Variants in ALS2 observed in about 807,000 individuals in gnomAD.
ALS2 encodes alsin Rho guanine nucleotide exchange factor ALS2, also known as alsin.
In ALS2, 117 loss-of-function variants were observed where a neutral mutation model predicts 203.4. The observed-to-expected ratio is 0.58, with a 90% CI of 0.50 to 0.67. The LOEUF (loss-of-function observed/expected upper bound fraction) is 0.67, where lower values mean the gene tolerates loss of function less well. ALS2 is among the 30% of genes least tolerant of loss of function. The probability of loss-of-function intolerance (pLI) is 0.00; values close to 1 mark genes in which losing one functional copy is unlikely to be tolerated. For synonymous variants in ALS2, 718 were observed against 725.9 expected (o/e 0.99, Z 0.17); for missense variants, 1,715 against 1,989.4 (o/e 0.86, Z 2.62).
At chr2:201,766,935 C>A (rs1178475794) in intron 3 of ALS2, among the ~76,000 whole-genome samples, 1 of 136,990 alleles carries the variant, frequency 7.3e-6, no homozygotes, top group African/African-American at 2.8e-5. Flanking sequence ...CACACTGGGG[C>A]CTGTTGTGGG....
chr2:201,711,045 A>G lies in ALS2; in HGVS notation c.4068T>C (p.His1356=), dbSNP rs1276128840. The change falls in exon 26 of 34, where the codon CAT becomes CAC. Residue 1356 remains histidine, a synonymous_variant. Transcript: ENST00000264276. ...TLESLEFIPQ[H]VGAFSVEKYD... ...ATTTCTCCACAGAGAAGGCACCAAC[A>G]TGCTGTGGAATGAATTCCAAACTCT... is the stretch of plus-strand genomic sequence containing the variant. The G allele has an allele frequency of 1.9e-6, 3 of 1,612,896 alleles. No homozygotes were observed. Among genetic ancestry groups the G allele is most frequent in the Non-Finnish European group, 2.5e-6 (3 of 1,179,172 alleles).
intron 13 of ALS2, among the ~76,000 whole-genome samples, chr2:201,729,493 T>C (rs1691411420): frequency 1.3e-5 from 2 of 152,304 alleles, no homozygotes; most frequent in South Asian, 4.1e-4. Flanking sequence ...TCGGGATCCC[T>C]TTATTTTTCT....
At chr2:201,727,918 G>T (rs1016126300) in intron 15 of ALS2, 143 bp from the exon 16 acceptor site, 1 of 838,332 alleles carries the variant, frequency 1.2e-6, no homozygotes, top group Non-Finnish European at 2.0e-6. Context: ...GCCCATGTAG[G>T]TGCCACCAAT....
intron 25 of ALS2, among the ~76,000 whole-genome samples, chr2:201,713,772 T>C (rs1191339343): frequency 6.6e-6 from 1 of 152,210 alleles, no homozygotes; most frequent in Admixed American, 6.5e-5. Context: ...TTGAAGTTCT[T>C]GTCAGACAAC....
chr2:201,773,797 T>C (rs1694531899), intron 1 of ALS2, among the ~76,000 whole-genome samples: 1 of 152,124 alleles, frequency 6.6e-6, no homozygotes, highest in South Asian at 2.1e-4. Flanking sequence ...TTGGATAGGA[T>C]GAGGATCGGA....
In ALS2 at chr2:201,707,939, G is replaced by A; in HGVS notation, c.4333C>T (p.Pro1445Ser). The A allele has an allele frequency of 6.2e-7, 1 of 1,613,554 alleles. No homozygotes were observed. The highest frequency in any genetic ancestry group is 8.5e-7 in the Non-Finnish European group (1 of 1,179,634). ...EEGSTIPLSA[P>S]LPTERKSFCT... Reference sequence around the variant, plus strand: ...AAAGACTTCCTTTCGGTTGGCAGAGGAGCAGAGAGAGGAATTGTGCTGCCT... The same window carrying A: ...AAAGACTTCCTTTCGGTTGGCAGAGAAGCAGAGAGAGGAATTGTGCTGCCT... Residue 1445 changes from proline (P) to serine (S), a missense_variant, in exon 28 of 34, where the codon CCT becomes TCT. Physicochemically the swap from Pro to Ser is moderately conservative, Grantham distance 74. This residue lies in a region of ALS2 where 1,227 missense variants were observed against 1,413.5 expected (regional missense o/e 0.87). Transcript: ENST00000264276.
intron 3 of ALS2, 35 bp from the exon 4 acceptor site, chr2:201,761,853 AG>A (rs1693791702): frequency 1.2e-6 from 2 of 1,606,048 alleles, no homozygotes; most frequent in Non-Finnish European, 1.7e-6. Flanking sequence ...GAAAAAAAAA[AG>A]GGTTAGTGAA....
At chr2:201,769,382 T>C (rs1037265073) in intron 1 of ALS2, among the ~76,000 whole-genome samples, 7 of 152,224 alleles carry the variant, frequency 4.6e-5, no homozygotes, top group African/African-American at 1.7e-4. Flanking sequence ...GTAATGTATC[T>C]GATTCAAGTA....
intron 25 of ALS2, among the ~76,000 whole-genome samples, chr2:201,711,520 A>C (rs994897818): frequency 1.3e-5 from 2 of 152,110 alleles, no homozygotes; most frequent in African/African-American, 4.8e-5. Context: ...TAAAAGGAAT[A>C]AAAGAGGGAA....
chr2:201,702,640 T>C (rs1409614332), intron 33 of ALS2, among the ~76,000 whole-genome samples: 1 of 152,236 alleles, frequency 6.6e-6, no homozygotes, highest in African/African-American at 2.4e-5. Flanking sequence ...CTTATTTAAA[T>C]CTGCAGTACT....
chr2:201,731,211 C>T (rs1691533405), intron 13 of ALS2, among the ~76,000 whole-genome samples: 1 of 151,638 alleles, frequency 6.6e-6, no homozygotes, highest in Non-Finnish European at 1.5e-5. Flanking sequence ...GAGTATCTAC[C>T]ACATATAAAA....
At chr2:201,737,891 C>T (rs1339119772) in intron 12 of ALS2, among the ~76,000 whole-genome samples, 6 of 151,528 alleles carry the variant, frequency 4.0e-5, no homozygotes, top group Non-Finnish European at 8.8e-5. Flanking sequence ...CACTGCATTC[C>T]AGCCTGGATG....
At chr2:201,736,643 C>A (rs1005087494) in intron 12 of ALS2, among the ~76,000 whole-genome samples, 2 of 151,710 alleles carry the variant, frequency 1.3e-5, no homozygotes, top group Non-Finnish European at 2.9e-5. Flanking sequence ...GAAATGATTC[C>A]CTAATTTTTG....
intron 1 of ALS2, among the ~76,000 whole-genome samples, chr2:201,775,832 T>C (rs1261898531): frequency 6.6e-6 from 1 of 152,192 alleles, no homozygotes; most frequent in Non-Finnish European, 1.5e-5. Context: ...AAGCTACTTA[T>C]TAGTTATAAT....
At position 201,718,167 on chromosome 2, in the gene ALS2, A is replaced by G. The variant is rs551822626; in HGVS notation, c.3746T>C (p.Phe1249Ser). The change falls in exon 24 of 34, where the codon TTT (phenylalanine) becomes TCT (serine). Residue 1249 changes from phenylalanine (F) to serine (S), a missense_variant. By Grantham distance (155) the Phe-to-Ser change is radical. Transcript: ENST00000264276. ...TATCCCAGATCCCCATTCTCCACTA[A>G]AATAACCTTCAATGTAGTCTCCATT... is the stretch of plus-strand genomic sequence containing the variant. ...MPNGDYIEGY[F>S]SGEWGSGIKI... 33 of 1,613,566 alleles carry G rather than the reference A, an allele frequency of 2.0e-5. No individual in the cohort carries two copies. The Admixed American group carries it at 4.5e-4, about 22-fold the overall frequency.
chr2:201,751,466 T>C (rs1041441711), intron 7 of ALS2, among the ~76,000 whole-genome samples: 3 of 152,264 alleles, frequency 2.0e-5, no homozygotes, highest in Non-Finnish European at 4.4e-5. Context: ...TCTTTTCATT[T>C]ATTGCTGGCC....
chr2:201,740,464 T>G (rs1692199948), intron 11 of ALS2, among the ~76,000 whole-genome samples: 1 of 151,840 alleles, frequency 6.6e-6, no homozygotes, highest in African/African-American at 2.4e-5. Context: ...GAAAAAGAAG[T>G]GAAATAGAGG....
Position 201,753,178 on chromosome 2 carries a change from AACCACCTGCCTCCAGATGG to A in ALS2, c.1686_1704del (p.His563ThrfsTer38). 1 of 1,614,162 alleles carries A rather than the reference AACCACCTGCCTCCAGATGG, an allele frequency of 6.2e-7. No homozygotes were observed. The highest frequency in any genetic ancestry group is 8.5e-7 in the Non-Finnish European group (1 of 1,179,984). ...TTCGCAGTAAGTGCAAGAGAATGGTAACCACCTGCCTCCAGATGGATTACTTCTTTGCCATCCAGACATT... is the reference window on the plus strand; with the variant it reads ...TTCGCAGTAAGTGCAAGAGAATGGTAATTACTTCTTTGCCATCCAGACATT... On this transcript the variant is annotated frameshift_variant, in exon 7 of 34. Coordinates refer to ENST00000264276, the MANE Select transcript of ALS2 (RefSeq NM_020919.4). LOFTEE classifies it high-confidence loss of function.
chr2:201,724,163 T>C (rs1690999277), intron 21 of ALS2, 132 bp downstream of exon 21: 5 of 936,734 alleles, frequency 5.3e-6, no homozygotes. Context: ...AGGTTCATTT[T>C]TCACCTACTC....
Sources: allele counts gnomAD v4.1 joint callset (sites outside exome capture counted in the v4.1 genomes callset), GRCh38; gene constraint gnomAD v4.1.1; regional missense constraint gnomAD v4.1.1; transcripts MANE v1.5; gene names NCBI Gene and HGNC (gene_info 2026-07-23, HGNC 2026-07-21).